The following COL24A1 variants were observed in gnomAD, a reference collection of about 807,000 sequenced individuals.
COL24A1 encodes collagen type XXIV alpha 1 chain.
Under a neutral mutation model 253.9 loss-of-function variants are expected in COL24A1, and 224 were observed. The observed-to-expected ratio is 0.88, with a 90% CI of 0.79 to 0.99. The LOEUF is 0.99. Among genes scored for constraint, COL24A1 ranks in the 50% least tolerant of loss-of-function variants. COL24A1 has a pLI of 0.00. For missense variants in COL24A1, 2,131 were observed against 2,068.5 expected (o/e 1.03, Z -0.59); for synonymous variants, 685 against 673.7 (o/e 1.02, Z -0.26).
intron 32 of COL24A1, among the ~76,000 whole-genome samples, chr1:85,885,021 G>C (rs1271754276): frequency 1.3e-5 from 2 of 152,044 alleles, no homozygotes; most frequent in Admixed American, 1.3e-4. Context: ...GTCCCGGTGT[G>C]GGCTATGTAG....
chr1:86,111,864 C>T (rs185669410), intron 5 of COL24A1, among the ~76,000 whole-genome samples: 128 of 152,208 alleles, frequency 8.4e-4, no homozygotes, highest in Non-Finnish European at 1.3e-3. Context: ...TAACCATGAA[C>T]GTCTGCAGCT....
intron 1 of COL24A1, among the ~76,000 whole-genome samples, chr1:86,147,965 C>T (rs1187635664): frequency 6.6e-6 from 1 of 152,148 alleles, no homozygotes; most frequent in Admixed American, 6.5e-5. Context: ...GGCCTCACCC[C>T]CAGAATTTCT....
At chr1:85,856,404 T>C (rs187038692) in intron 37 of COL24A1, among the ~76,000 whole-genome samples, 1 of 152,194 alleles carries the variant, frequency 6.6e-6, no homozygotes, top group Non-Finnish European at 1.5e-5. Context: ...ACTGTTTTCA[T>C]TAGTTTCAAA....
intron 31 of COL24A1, among the ~76,000 whole-genome samples, chr1:85,895,209 G>T (rs1202168750): frequency 6.6e-6 from 1 of 151,874 alleles, no homozygotes; most frequent in Non-Finnish European, 1.5e-5. Flanking sequence ...CATAGAACTT[G>T]TTGCCTCTCA....
chr1:86,125,696 GGATA>G lies in COL24A1; in HGVS notation c.636_639del (p.His214LeufsTer4). ...AACTGACATACTATTCCTTCAAAAT[GGATA>G]GAATTATTATTCATACTTCCTAAAG... On this transcript the variant is annotated frameshift_variant, in exon 3 of 60. Coordinates refer to ENST00000370571, the MANE Select transcript of COL24A1 (RefSeq NM_152890.7). LOFTEE classifies it high-confidence loss of function. 6.2e-7 allele frequency: 1 copy of G among 1,610,320 alleles called. No individual in the cohort carries two copies. Among genetic ancestry groups the G allele is most frequent in the Non-Finnish European group, 8.5e-7 (1 of 1,177,606 alleles).
chr1:85,806,283 A>G (rs1274287933), intron 47 of COL24A1, among the ~76,000 whole-genome samples: 1 of 152,210 alleles, frequency 6.6e-6, no homozygotes, highest in Non-Finnish European at 1.5e-5. Flanking sequence ...GTAACTAGCT[A>G]ATCAACCTTA....
intron 19 of COL24A1, among the ~76,000 whole-genome samples, chr1:85,995,239 T>C (rs1432292022): frequency 6.6e-6 from 1 of 152,118 alleles, no homozygotes; most frequent in East Asian, 1.9e-4. Flanking sequence ...GCCACCACGT[T>C]CAGCTAATTA....
intron 47 of COL24A1, among the ~76,000 whole-genome samples, chr1:85,795,666 C>T (rs1348068951): frequency 6.6e-6 from 1 of 151,930 alleles, no homozygotes; most frequent in Non-Finnish European, 1.5e-5. Flanking sequence ...TTCTCTTCTG[C>T]CAGGCACCTT....
chr1:86,048,726 A>G (rs1036495972), intron 11 of COL24A1, among the ~76,000 whole-genome samples: 18 of 152,032 alleles, frequency 1.2e-4, no homozygotes, highest in Admixed American at 3.3e-4. Flanking sequence ...TCCTGACCTC[A>G]TGATCCACCC....
At chr1:86,017,035 A>C (rs1488532259) in intron 19 of COL24A1, 116 bp downstream of exon 19, 5 of 952,150 alleles carry the variant, frequency 5.3e-6, no homozygotes, top group South Asian at 1.6e-5. Context: ...ATTTACGGAG[A>C]TCTAAACTTT....
intron 57 of COL24A1, among the ~76,000 whole-genome samples, chr1:85,739,157 G>A (rs1384386559): frequency 2.0e-5 from 3 of 152,002 alleles, no homozygotes; most frequent in Admixed American, 6.6e-5. Context: ...ATCTGATGAG[G>A]GCTTCCAGTC....
At chr1:85,770,374 A>T (rs528823040) in intron 53 of COL24A1, among the ~76,000 whole-genome samples, 1 of 151,914 alleles carries the variant, frequency 6.6e-6, no homozygotes, top group South Asian at 2.1e-4. Context: ...TTACTGCTAT[A>T]TTTAAGTTTA....
rs1221057258 is a variant in COL24A1, at chr1:85,736,603, G to A, written c.4782+793C>T. ...GGAATGCCCTGGTTAATGAAGAGAG[G>A]TGTTTTAGGAGGAGAGGGCGGTTCA... is the stretch of plus-strand genomic sequence containing the variant. On this transcript the variant is annotated intron_variant, in intron 58 of 59. Coordinates refer to ENST00000370571, the MANE Select transcript of COL24A1 (RefSeq NM_152890.7). 4 of 422,740 alleles carry A rather than the reference G, an allele frequency of 9.5e-6. No individual in the cohort carries two copies. In the East Asian group the frequency reaches 2.2e-4, roughly 23 times the overall value. The allele number at this position is 422,740 out of a possible 1,614,324, so 26.2% of individuals were successfully genotyped here.
At chr1:86,041,963 T>C (rs1315404842) in intron 12 of COL24A1, among the ~76,000 whole-genome samples, 16 of 152,096 alleles carry the variant, frequency 1.1e-4, no homozygotes, top group Admixed American at 1.0e-3. Context: ...CAGTTAGTTT[T>C]ATTGAAGGCA....
chr1:86,004,137 C>T (rs612256), intron 19 of COL24A1, among the ~76,000 whole-genome samples: 27,653 of 152,126 alleles, frequency 0.18, 3,196 homozygotes, highest in African/African-American at 0.32. Flanking sequence ...ACAAAGTCCA[C>T]ATTATGTCAC....
At chr1:85,826,737 G>A (rs1394200711) in intron 43 of COL24A1, among the ~76,000 whole-genome samples, 2 of 151,286 alleles carry the variant, frequency 1.3e-5, no homozygotes, top group East Asian at 3.9e-4. Flanking sequence ...GTCTGTTGTT[G>A]GTGTATAAGA....
chr1:85,889,032 C>T (rs556158835), intron 32 of COL24A1, among the ~76,000 whole-genome samples: 4 of 152,078 alleles, frequency 2.6e-5, no homozygotes, highest in South Asian at 2.1e-4. Flanking sequence ...CACAACGTAC[C>T]GTCCATGGAA....
At chr1:85,874,740 TAA>T (rs755917483) in intron 34 of COL24A1, 38 bp from the exon 35 acceptor site, 6 of 1,602,244 alleles carry the variant, frequency 3.7e-6, no homozygotes, top group Non-Finnish European at 5.1e-6. Context: ...TCTTTTCTAC[TAA>T]GACTGCATGG....
chr1:86,055,665 T>C (rs527901589), intron 10 of COL24A1, among the ~76,000 whole-genome samples: 6 of 152,272 alleles, frequency 3.9e-5, no homozygotes, highest in South Asian at 2.1e-4. Flanking sequence ...ATATAGTAAA[T>C]ACATGCATAC....
Sources: allele counts gnomAD v4.1 joint callset (sites outside exome capture counted in the v4.1 genomes callset), GRCh38; gene constraint gnomAD v4.1.1; transcripts MANE v1.5; gene names NCBI Gene and HGNC (gene_info 2026-07-23, HGNC 2026-07-21).